The following CRACD variants were observed in gnomAD, a reference collection of about 807,000 sequenced individuals.
CRACD encodes the protein capping protein-inhibiting regulator of actin dynamics.
CRACD carries 56 observed loss-of-function variants against 106.8 expected under a neutral mutation model. That is an observed-to-expected ratio of 0.52 (90% CI 0.42 to 0.66). CRACD has a LOEUF of 0.66. Ranked by LOEUF, CRACD falls within the 30% of genes least tolerant of loss-of-function variation. The pLI, the probability that CRACD is intolerant of heterozygous loss-of-function variation, is 0.00. For missense variants in CRACD, 1,730 were observed against 1,623.2 expected (o/e 1.07, Z -1.13); for synonymous variants, 754 against 670.8 (o/e 1.12, Z -1.92).
At chr4:56,310,819 C>T in intron 6 of CRACD, 85 bp downstream of exon 6, 1 of 673,570 alleles carries the variant, frequency 1.5e-6, no homozygotes, top group South Asian at 1.6e-5. Flanking sequence ...TTGCGACCTG[C>T]TGCCTCATTT....
At chr4:56,258,303 T>C (rs1056414499) in intron 2 of CRACD, among the ~76,000 whole-genome samples, 2 of 152,164 alleles carry the variant, frequency 1.3e-5, no homozygotes, top group East Asian at 1.9e-4. Flanking sequence ...CCACTTTGAG[T>C]TGTCTGCCTT....
At chr4:56,307,818 C>T in intron 5 of CRACD, 119 bp downstream of exon 5, 1 of 1,007,434 alleles carries the variant, frequency 9.9e-7, no homozygotes, top group South Asian at 1.6e-5. Flanking sequence ...TCATGAGTAG[C>T]TCAGGGCTTG....
chr4:56,099,040 A>G (rs183692707), intron 1 of CRACD, among the ~76,000 whole-genome samples: 189 of 152,346 alleles, frequency 1.2e-3, no homozygotes, highest in African/African-American at 4.1e-3. Context: ...TGTTAATTAC[A>G]TTAGAAACAG....
chr4:56,098,605 TAATAACAAGAACTTAAA>T (rs1733671930), intron 1 of CRACD, among the ~76,000 whole-genome samples: 1 of 152,208 alleles, frequency 6.6e-6, no homozygotes, highest in Non-Finnish European at 1.5e-5. Flanking sequence ...TTCCACTTAC[TAATAACAAGAACTTAAA>T]GTGCCAACAG....
chr4:56,053,782 A>G (rs774732048), intron 1 of CRACD, among the ~76,000 whole-genome samples: 20 of 152,230 alleles, frequency 1.3e-4, no homozygotes, highest in Non-Finnish European at 2.8e-4. Context: ...GAATTTGTGT[A>G]GATCATGATG....
chr4:56,123,628 A>G (rs992230393), intron 1 of CRACD, among the ~76,000 whole-genome samples: 1 of 152,188 alleles, frequency 6.6e-6, no homozygotes, highest in South Asian at 2.1e-4. Context: ...ATCTCGTTTT[A>G]TAGATGAGGA....
At chr4:56,144,181 A>G (rs891299251) in intron 1 of CRACD, among the ~76,000 whole-genome samples, 1 of 152,186 alleles carries the variant, frequency 6.6e-6, no homozygotes, top group South Asian at 2.1e-4. Flanking sequence ...GTTAAGTAGA[A>G]CTAGAGCAAA....
At chr4:56,237,998 G>T (rs1740091339) in intron 2 of CRACD, among the ~76,000 whole-genome samples, 1 of 147,056 alleles carries the variant, frequency 6.8e-6, no homozygotes, top group Non-Finnish European at 1.5e-5. Context: ...TGAACTAATT[G>T]TTTATCTATC....
In CRACD at chr4:56,315,567, G is replaced by A; in HGVS notation, c.2065G>A (p.Asp689Asn). ...GAGTGACCCGCGCAGCAGCGAGAGG[G>A]ACCAGTTGAGGCCCGGTGATGAGTC... ...AESDPRSSER[D>N]QLRPGDESTP... The change falls in exon 8 of 11, where the codon GAC becomes AAC. Residue 689 changes from aspartate (D) to asparagine (N), a missense_variant. Around this residue, in one of 5 missense-constraint regions of CRACD, gnomAD observed 1,620 missense variants for 1,481.6 expected, o/e 1.09. Coordinates refer to ENST00000682029, the MANE Select transcript of CRACD (RefSeq NM_001393381.1). The surrounding 1 kb of genome is among the most constrained non-coding windows in gnomAD (Gnocchi z 4.1). 1 of 1,614,136 alleles carries A rather than the reference G, an allele frequency of 6.2e-7. No individual in the cohort carries two copies.
At chr4:56,301,228 G>A (rs968660512) in intron 4 of CRACD, 31 of 1,287,132 alleles carry the variant, frequency 2.4e-5, no homozygotes, top group Admixed American at 9.3e-5. Flanking sequence ...TTTTTCAGTC[G>A]ACTAAGCAGT....
At chr4:56,302,223 A>G (rs1017873249) in intron 4 of CRACD, among the ~76,000 whole-genome samples, 2 of 152,206 alleles carry the variant, frequency 1.3e-5, no homozygotes, top group African/African-American at 4.8e-5. Context: ...GAGCGGCTTC[A>G]GAAGCTTCGC....
intron 1 of CRACD, among the ~76,000 whole-genome samples, chr4:56,120,792 T>G (rs79747469): frequency 0.046 from 6,944 of 152,340 alleles, 196 homozygotes; most frequent in South Asian, 0.065. Flanking sequence ...ATGCCAACAG[T>G]TAGCAGTTTG....
intron 2 of CRACD, among the ~76,000 whole-genome samples, chr4:56,189,109 G>C (rs1244175475): frequency 6.6e-6 from 1 of 152,042 alleles, no homozygotes; most frequent in Non-Finnish European, 1.5e-5. Context: ...CTTGAACCTG[G>C]GAGGGAGAGG....
chr4:56,183,262 A>AAAT (rs1217824488), intron 2 of CRACD, among the ~76,000 whole-genome samples: 7 of 147,506 alleles, frequency 4.7e-5, no homozygotes, highest in Non-Finnish European at 1.0e-4. Context: ...AAATAAAATA[A>AAAT]AATAAAATAA....
intron 2 of CRACD, among the ~76,000 whole-genome samples, chr4:56,214,066 A>G (rs1293608032): frequency 6.6e-6 from 1 of 152,114 alleles, no homozygotes; most frequent in Non-Finnish European, 1.5e-5. Flanking sequence ...CAGCTGTTTT[A>G]ACAAAATACC....
intron 1 of CRACD, among the ~76,000 whole-genome samples, chr4:56,058,087 G>A (rs528505513): frequency 1.1e-4 from 16 of 151,414 alleles, no homozygotes; most frequent in Non-Finnish European, 1.8e-4. Flanking sequence ...CTCCCAAAGT[G>A]CTAGGATTAC....
intron 8 of CRACD, among the ~76,000 whole-genome samples, 167 bp downstream of exon 8, chr4:56,316,856 G>C (rs1745707926): frequency 6.6e-6 from 1 of 152,220 alleles, no homozygotes; most frequent in African/African-American, 2.4e-5. Context: ...GCGCCTCAGT[G>C]AGAGGACTGA....
At chr4:56,307,340 A>C (rs1051225855) in intron 4 of CRACD, among the ~76,000 whole-genome samples, 195 bp from the exon 5 acceptor site, 3 of 152,160 alleles carry the variant, frequency 2.0e-5, no homozygotes, top group African/African-American at 7.2e-5. Context: ...AGAAAAAAAA[A>C]GAAAAGAGAA....
At chr4:56,270,173 C>T (rs1742266128) in intron 2 of CRACD, among the ~76,000 whole-genome samples, 1 of 151,854 alleles carries the variant, frequency 6.6e-6, no homozygotes, top group South Asian at 2.1e-4. Flanking sequence ...TATGCCGCTG[C>T]TTAGGATGAA....
Sources: gnomAD v4.1 joint callset for allele counts (sites outside exome capture counted in the v4.1 genomes callset) on GRCh38, gnomAD v4.1.1 for gene constraint, gnomAD v4.1.1 regional missense constraint, Gnocchi (gnomAD v3.1) non-coding constraint, MANE v1.5 for transcripts, NCBI Gene and HGNC (gene_info 2026-07-23, HGNC 2026-07-21) for gene names.